Variants in SRFBP1 observed in about 807,000 individuals in gnomAD.
SRFBP1 encodes the protein serum response factor-binding protein 1.
In SRFBP1, 47 loss-of-function variants were observed where a neutral mutation model predicts 45.5. The observed-to-expected ratio is 1.03, with a 90% CI of 0.82 to 1.32. SRFBP1 has a LOEUF of 1.32. SRFBP1 is among the 40% of genes most tolerant of loss of function. The pLI is 0.00. For missense variants in SRFBP1, 621 were observed against 484.6 expected, an observed-to-expected ratio of 1.28 and a Z score of -2.64; for synonymous variants, 203 against 166.3, an observed-to-expected ratio of 1.22 and a Z score of -1.70.
chr5:122,078,087 G>T, downstream of SRFBP1: 1 of 1,106,694 alleles, frequency 9.0e-7, no homozygotes, highest in Non-Finnish European at 1.2e-6. Context: ...TTCAACCAAG[G>T]AGGCGAGCGG....
intron 2 of SRFBP1, among the ~76,000 whole-genome samples, chr5:122,071,755 G>A (rs1047249291): frequency 2.0e-5 from 3 of 152,092 alleles, no homozygotes; most frequent in African/African-American, 4.8e-5. Flanking sequence ...AACCAATATT[G>A]CTTTGCTGTT....
intron 2 of SRFBP1, among the ~76,000 whole-genome samples, chr5:122,034,670 A>C (rs976846991): frequency 5.9e-5 from 9 of 151,780 alleles, no homozygotes; most frequent in Non-Finnish European, 1.2e-4. Context: ...TCTCACCTTA[A>C]TTTTGATCTT....
chr5:121,972,536 G>A (rs1333567340), intron 1 of SRFBP1, among the ~76,000 whole-genome samples: 2 of 151,882 alleles, frequency 1.3e-5, no homozygotes, highest in Non-Finnish European at 2.9e-5. Flanking sequence ...TTTGCTGTTG[G>A]CATATGACAA....
At chr5:122,014,672 C>G (rs891913375) in intron 4 of SRFBP1, among the ~76,000 whole-genome samples, 3 of 152,084 alleles carry the variant, frequency 2.0e-5, no homozygotes, top group African/African-American at 7.2e-5. Context: ...AATGAGATTA[C>G]TAAATCAGCG....
chr5:122,038,654 C>A (rs1257110947), intron 2 of SRFBP1, among the ~76,000 whole-genome samples: 1 of 152,116 alleles, frequency 6.6e-6, no homozygotes, highest in Non-Finnish European at 1.5e-5. Context: ...AACATGATAG[C>A]CTTTAAGGCA....
intron 4 of SRFBP1, among the ~76,000 whole-genome samples, chr5:122,011,593 A>G (rs17351406): frequency 0.044 from 6,746 of 152,258 alleles, 177 homozygotes; most frequent in African/African-American, 0.06. Context: ...TATGAAGCCT[A>G]TCACATTCTG....
At position 122,013,139 on chromosome 5, in the gene SRFBP1, C is replaced by T. The variant is rs371161271; in HGVS notation, c.271-6121C>T. On this transcript the variant is annotated intron_variant, in intron 4 of 7. Coordinates refer to ENST00000339397, the MANE Select transcript of SRFBP1 (RefSeq NM_152546.3). ...ATAAAAATGACAAAGCTCATCCTCC[C>T]AGTGTTTACATTTATTTTGCCTGAA... Among the ~76,000 whole-genome samples, 4 of 152,228 alleles carry T rather than the reference C, an allele frequency of 2.6e-5. No individual in the cohort carries two copies. In the East Asian group the frequency reaches 7.7e-4, roughly 29 times the overall value.
Position 122,039,115 on chromosome 5 carries a change from T to C in SRFBP1, n.311+16708T>C, listed in dbSNP as rs113542833. 2.1e-3 allele frequency among the ~76,000 whole-genome samples: 321 copies of C among 152,310 alleles called. 1 individual carries two copies. The highest frequency in any genetic ancestry group is 7.5e-3 in the African/African-American group (310 of 41,570). The stretch of plus-strand genomic sequence containing the variant: ...CAAAATGCTTGCTAGTGAGATATCG[T>C]AACTATAACAGAACGGTGTGTCCTC... On this transcript the variant is annotated intron_variant and non_coding_transcript_variant, in intron 2 of 2. Transcript: ENST00000504881.
At chr5:122,040,235 A>G (rs1027728656) in intron 2 of SRFBP1, among the ~76,000 whole-genome samples, 1 of 152,130 alleles carries the variant, frequency 6.6e-6, no homozygotes, top group African/African-American at 2.4e-5. Flanking sequence ...AGTTGCATAA[A>G]ATCATGGATT....
In SRFBP1 at chr5:122,009,547, G is replaced by T. The variant is rs554780327; in HGVS notation, c.271-9713G>T. Reference sequence around the variant, plus strand: ...AAACATAAAGATGTGATATTTTAAAGCTCACAGGAAGTATTCCATTCTTCA... The same window carrying T: ...AAACATAAAGATGTGATATTTTAAATCTCACAGGAAGTATTCCATTCTTCA... On this transcript the variant is annotated intron_variant, in intron 4 of 7. Coordinates refer to ENST00000339397, the MANE Select transcript of SRFBP1 (RefSeq NM_152546.3). 8.3e-4 allele frequency among the ~76,000 whole-genome samples: 126 copies of T among 152,288 alleles called. 1 individual carries two copies. Among genetic ancestry groups the T allele is most frequent in the African/African-American group, 3.0e-3 (124 of 41,552 alleles).
rs561875558 is a variant in SRFBP1 at position 121,965,441 on chromosome 5, T to C, written c.36+3373T>C. Among the ~76,000 whole-genome samples, 15 of 152,354 alleles carry C rather than the reference T, an allele frequency of 9.8e-5. No individual in the cohort carries two copies. In the South Asian group the frequency reaches 2.9e-3, roughly 29 times the overall value. ...AGTTTTCCCAACACCATCTATTAAA[T>C]AGGGAATCATTTCCCCATTGCTTGT... is the stretch of plus-strand genomic sequence containing the variant. On this transcript the variant is annotated intron_variant, in intron 1 of 7. Transcript: ENST00000339397.
At chr5:122,022,742 A>G (rs1753388859) in intron 7 of SRFBP1, among the ~76,000 whole-genome samples, 1 of 152,242 alleles carries the variant, frequency 6.6e-6, no homozygotes, top group Non-Finnish European at 1.5e-5. Context: ...GCCGTTAAAC[A>G]TTGAATAACA....
chr5:122,001,640 C>T (rs1356410972), intron 4 of SRFBP1, among the ~76,000 whole-genome samples: 1 of 149,160 alleles, frequency 6.7e-6, no homozygotes, highest in Non-Finnish European at 1.5e-5. Flanking sequence ...CGGCTCACTG[C>T]AAGCTCCGCT....
At position 122,009,754 on chromosome 5, in the gene SRFBP1, G is replaced by A. The variant is rs1302930059; in HGVS notation, c.271-9506G>A. Among the ~76,000 whole-genome samples the A allele has an allele frequency of 2.6e-5, 4 of 152,328 alleles. No individual in the cohort carries two copies. The East Asian group carries it at 7.7e-4, about 29-fold the overall frequency. On this transcript the variant is annotated intron_variant, in intron 4 of 7. Transcript: ENST00000339397. ...TCTACTATTCTTGCAAGCAAGTCAA[G>A]TTGATGAAAGTGGTTCATGTTCTGC...
intron 3 of SRFBP1, among the ~76,000 whole-genome samples, chr5:121,979,621 T>G (rs1418729439): frequency 1.3e-5 from 2 of 152,174 alleles, no homozygotes; most frequent in South Asian, 2.1e-4. Context: ...CTCAACGTGT[T>G]AGAGATCTCA....
chr5:122,074,221 A>G, intron 2 of SRFBP1: 2 of 1,502,220 alleles, frequency 1.3e-6, no homozygotes, highest in Non-Finnish European at 9.2e-7. Context: ...CAGAGAAAGC[A>G]ATGAAGATAT....
At chr5:122,069,975 T>C in intron 2 of SRFBP1, 3 of 994,188 alleles carry the variant, frequency 3.0e-6, no homozygotes, top group Non-Finnish European at 4.9e-6. Context: ...CAGAAACAGA[T>C]ACATTCTATG....
intron 4 of SRFBP1, among the ~76,000 whole-genome samples, chr5:121,998,915 T>C (rs1003326967): frequency 6.6e-6 from 1 of 152,180 alleles, no homozygotes; most frequent in African/African-American, 2.4e-5. Context: ...AATTCCCTTT[T>C]ATAATTTGTA....
intron 2 of SRFBP1, among the ~76,000 whole-genome samples, chr5:121,974,935 G>C (rs976250118): frequency 6.6e-6 from 1 of 151,656 alleles, no homozygotes; most frequent in African/African-American, 2.4e-5. Context: ...AAATGCCAGA[G>C]AGCAAATTTT....
Sources: gnomAD v4.1 joint callset for allele counts (sites outside exome capture counted in the v4.1 genomes callset) on GRCh38, gnomAD v4.1.1 for gene constraint, MANE v1.5 for transcripts, NCBI Gene and HGNC (gene_info 2026-07-23, HGNC 2026-07-21) for gene names.